Variants in ALOX12 observed in about 807,000 individuals in gnomAD.
ALOX12 encodes the protein polyunsaturated fatty acid lipoxygenase ALOX12.
Under a neutral mutation model 85.5 loss-of-function variants are expected in ALOX12, and 62 were observed. The ratio of observed to expected loss-of-function variants is 0.73; its 90% confidence interval spans 0.59 to 0.90. The LOEUF (loss-of-function observed/expected upper bound fraction) is 0.90. Among genes scored for constraint, ALOX12 ranks in the 40% least tolerant of loss-of-function variants. The probability of loss-of-function intolerance (pLI) is 0.00; values close to 1 mark genes in which losing one functional copy is unlikely to be tolerated. For synonymous variants in ALOX12, 299 were observed against 332.7 expected (o/e 0.90, Z 1.10); for missense variants, 751 against 856.5 (o/e 0.88, Z 1.54).
Position 7,006,515 on chromosome 17 carries a change from A to G in ALOX12, c.1448A>G (p.Tyr483Cys), listed in dbSNP as rs749734878. 2 of 1,613,724 alleles carry G rather than the reference A, an allele frequency of 1.2e-6. No homozygotes were observed. The highest frequency in any genetic ancestry group is 1.7e-4 in the Middle Eastern group (1 of 6,050). The stretch of plus-strand genomic sequence containing the variant: ...GTGGAGGGGATCGTCCACCTCTTCT[A>G]CCAAAGGGATGACATAGTGAAGGGG... ...RYVEGIVHLF[Y>C]QRDDIVKGDP... is the part of the protein sequence containing the mutation. The change falls in exon 11 of 14, where the codon TAC becomes TGC. Residue 483 changes from tyrosine (Y) to cysteine (C), a missense_variant. Coordinates refer to ENST00000251535, the MANE Select transcript of ALOX12 (RefSeq NM_000697.3).
chr17:7,003,136 CACTT>C lies in ALOX12; in HGVS notation c.1161+1328_1161+1331del, dbSNP rs202161874. On this transcript the variant is annotated intron_variant, in intron 8 of 13. Coordinates refer to ENST00000251535, the MANE Select transcript of ALOX12 (RefSeq NM_000697.3). Reference sequence around the variant, plus strand: ...CACGAACAAGTGAAGCCTCTATTCACACTTACAATTCCGTTTCCTAGTTCAGTCC... The same window carrying C: ...CACGAACAAGTGAAGCCTCTATTCACACAATTCCGTTTCCTAGTTCAGTCC... 5.3e-4 allele frequency among the ~76,000 whole-genome samples: 81 copies of C among 152,362 alleles called. No individual in the cohort carries two copies. In the East Asian group the frequency reaches 5.6e-3, roughly 11 times the overall value.
Position 6,999,346 on chromosome 17 carries a change from C to G in ALOX12, c.687C>G (p.Ser229Arg). 2 of 1,614,236 alleles carry G rather than the reference C, an allele frequency of 1.2e-6. No individual in the cohort carries two copies. The highest frequency in any genetic ancestry group is 1.7e-6 in the Non-Finnish European group (2 of 1,180,030). ...GCTGGCAGGATGATGAGTTGTTCAG[C>G]TACCAGTTCCTCAATGGTGCCAACC... ...RQCWQDDELF[S>R]YQFLNGANPM... is the part of the protein sequence containing the mutation. Residue 229 changes from serine (S) to arginine (R), a missense_variant, in exon 6 of 14, where the codon AGC becomes AGG. By Grantham distance (110) the Ser-to-Arg change is moderately radical (BLOSUM62 -1). Coordinates refer to ENST00000251535, the MANE Select transcript of ALOX12 (RefSeq NM_000697.3).
At chr17:7,009,464 G>T in intron 11 of ALOX12, 1 of 352,942 alleles carries the variant, frequency 2.8e-6, no homozygotes, top group South Asian at 4.1e-5. Flanking sequence ...TACTTATTGA[G>T]CATTTATTAC....
intron 8 of ALOX12, among the ~76,000 whole-genome samples, chr17:7,004,198 T>A (rs1341882479): frequency 6.9e-6 from 1 of 144,860 alleles, no homozygotes; most frequent in East Asian, 2.0e-4. Flanking sequence ...AACATTTAAA[T>A]TTTTAATTTT....
At chr17:7,002,923 T>TA (rs1416819964) in intron 8 of ALOX12, among the ~76,000 whole-genome samples, 1 of 152,164 alleles carries the variant, frequency 6.6e-6, no homozygotes, top group African/African-American at 2.4e-5. Context: ...ATGTCCTGGG[T>TA]AAAAACAACC....
chr17:7,006,460 C>T (rs752786418), intron 10 of ALOX12, 26 bp from the exon 11 acceptor site: 1 of 1,612,892 alleles, frequency 6.2e-7, no homozygotes, highest in South Asian at 1.1e-5. Flanking sequence ...GCTTTCTGCC[C>T]TCAAGTGCCT....
chr17:7,008,588 A>C (rs1336845808), intron 11 of ALOX12, among the ~76,000 whole-genome samples: 2 of 152,192 alleles, frequency 1.3e-5, no homozygotes, highest in African/African-American at 2.4e-5. Flanking sequence ...TCTACTAAAA[A>C]TACAAAAATT....
chr17:7,008,900 T>C (rs12325805), intron 11 of ALOX12, among the ~76,000 whole-genome samples: 37,435 of 152,092 alleles, frequency 0.25, 5,200 homozygotes, highest in East Asian at 0.33. Flanking sequence ...TAATTCTGTC[T>C]GGGAATAGGA....
chr17:6,998,725 TGGAA>T lies in ALOX12; in HGVS notation c.437_440del (p.Glu146GlyfsTer4). 6 of 1,586,276 alleles carry T rather than the reference TGGAA, an allele frequency of 3.8e-6. No homozygotes were observed. Among genetic ancestry groups the T allele is most frequent in the Non-Finnish European group, 5.2e-6 (6 of 1,162,832 alleles). On this transcript the variant is annotated frameshift_variant, in exon 4 of 14. Transcript: ENST00000251535. LOFTEE classifies it high-confidence loss of function. ...GTCCCCAACTCCTAGCTGGGCCACC[TGGAA>T]GGAAGGGTTACCCCTGACCATCGCT...
At chr17:7,007,797 C>T (rs191001260) in intron 11 of ALOX12, among the ~76,000 whole-genome samples, 11 of 152,288 alleles carry the variant, frequency 7.2e-5, no homozygotes, top group African/African-American at 2.6e-4. Flanking sequence ...AGGAGAATCG[C>T]TTGAACTTGG....
chr17:7,008,390 C>T (rs1422548033), intron 11 of ALOX12, among the ~76,000 whole-genome samples: 1 of 152,218 alleles, frequency 6.6e-6, no homozygotes, highest in Non-Finnish European at 1.5e-5. Flanking sequence ...CTTTTCCCAA[C>T]TATGCAGTCC....
chr17:6,997,058 A>G (rs1379450862), intron 2 of ALOX12, 31 bp downstream of exon 2: 1 of 1,513,420 alleles, frequency 6.6e-7, no homozygotes, highest in Admixed American at 2.0e-5. Flanking sequence ...AAGGAGGCAC[A>G]AGGTCTCGGG....
chr17:7,006,281 G>C (rs980896814), intron 10 of ALOX12, among the ~76,000 whole-genome samples: 1 of 152,018 alleles, frequency 6.6e-6, no homozygotes, highest in Non-Finnish European at 1.5e-5. Flanking sequence ...ATTTTCTGAC[G>C]ATGTATGACA....
intron 11 of ALOX12, among the ~76,000 whole-genome samples, chr17:7,007,813 G>A (rs933863177): frequency 6.6e-6 from 1 of 152,080 alleles, no homozygotes; most frequent in Admixed American, 6.6e-5. Context: ...CTTGGGAGGC[G>A]GAGGTTGCAG....
At chr17:7,006,672 T>C in intron 11 of ALOX12, 65 bp downstream of exon 11, 1 of 1,513,094 alleles carries the variant, frequency 6.6e-7, no homozygotes, top group African/African-American at 1.4e-5. Flanking sequence ...TTCCCAGCCC[T>C]GCCCTTCTGG....
intron 1 of ALOX12, 84 bp from the exon 2 acceptor site, chr17:6,996,742 G>C (rs1597848560): frequency 6.8e-7 from 1 of 1,463,094 alleles, no homozygotes; most frequent in East Asian, 2.4e-5. Context: ...AGAAACTGAG[G>C]TTGCACAGGA....
chr17:7,006,869 A>G (rs1287253113), intron 11 of ALOX12, among the ~76,000 whole-genome samples: 1 of 151,934 alleles, frequency 6.6e-6, no homozygotes, highest in Non-Finnish European at 1.5e-5. Flanking sequence ...GAACTGCCAT[A>G]TCCTGGGGCC....
chr17:7,007,653 G>A (rs1049939614), intron 11 of ALOX12, among the ~76,000 whole-genome samples: 7 of 152,194 alleles, frequency 4.6e-5, no homozygotes, highest in Non-Finnish European at 1.0e-4. Context: ...GGAGGCTGAG[G>A]TGGGTGGATC....
chr17:7,010,503 A>T lies in ALOX12; in HGVS notation c.*80A>T. On this transcript the variant is annotated 3_prime_UTR_variant, in exon 14 of 14. Transcript: ENST00000251535. ...CTATCTTGAATTTCATGCTTTCCTAAAGTCTCTGCTGCTAAGGCTCTATTT... is the reference window on the plus strand; with the variant it reads ...CTATCTTGAATTTCATGCTTTCCTATAGTCTCTGCTGCTAAGGCTCTATTT... 4.0e-6 allele frequency: 6 copies of T among 1,510,322 alleles called. No homozygotes were observed. The highest frequency in any genetic ancestry group is 5.3e-6 in the Non-Finnish European group (6 of 1,121,950). The allele number at this position is 1,510,322 out of a possible 1,614,324, so 93.6% of individuals were successfully genotyped here. A position where few individuals can be genotyped will look rare whatever the true frequency, so the allele number is the denominator to read the frequency against.
Sources: allele counts gnomAD v4.1 joint callset (sites outside exome capture counted in the v4.1 genomes callset), GRCh38; gene constraint gnomAD v4.1.1; transcripts MANE v1.5; gene names NCBI Gene and HGNC (gene_info 2026-07-23, HGNC 2026-07-21).